RIMS2: variants seen among roughly 807,000 people sequenced by gnomAD.
RIMS2 encodes regulating synaptic membrane exocytosis 2.
RIMS2 carries 59 observed loss-of-function variants against 174.4 expected under a neutral mutation model. The observed-to-expected ratio is 0.34, with a 90% CI of 0.27 to 0.42. The LOEUF (loss-of-function observed/expected upper bound fraction) is 0.42. Ranked by LOEUF, RIMS2 falls within the 10% of genes least tolerant of loss-of-function variation. The pLI, the probability that RIMS2 is intolerant of heterozygous loss-of-function variation, is 1.00. For missense variants in RIMS2, 1,620 were observed against 1,666.3 expected (o/e 0.97, Z 0.48); for synonymous variants, 606 against 572.5 (o/e 1.06, Z -0.84).
rs1444750106 is a variant in RIMS2, at chr8:104,048,291, T to C, written c.3334+33676T>C. On this transcript the variant is annotated intron_variant, in intron 19 of 23. Transcript: ENST00000504942. Reference sequence around the variant, plus strand: ...GGCAAAGGATATATACAGACATTTCTCCAAACAAGAAATGCAGTGGTAAGT... The same window carrying C: ...GGCAAAGGATATATACAGACATTTCCCCAAACAAGAAATGCAGTGGTAAGT... Among the ~76,000 whole-genome samples the C allele has an allele frequency of 2.0e-5, 3 of 152,262 alleles. 1 individual carries two copies. The highest frequency in any genetic ancestry group is 4.4e-5 in the Non-Finnish European group (3 of 67,986).
chr8:103,934,584 A>G (rs1476834395), intron 12 of RIMS2, among the ~76,000 whole-genome samples: 1 of 152,186 alleles, frequency 6.6e-6, no homozygotes, highest in East Asian at 1.9e-4. Flanking sequence ...CTTCCTATCC[A>G]ATATAGAAAT....
intron 1 of RIMS2, among the ~76,000 whole-genome samples, chr8:103,620,908 G>T (rs2095618952): frequency 6.6e-6 from 1 of 152,046 alleles, no homozygotes; most frequent in South Asian, 2.1e-4. Flanking sequence ...GAGAAGAATA[G>T]GTGGATAGAA....
Position 104,249,468 on chromosome 8 carries a change from TC to T in RIMS2, c.3590-17del. On this transcript the variant is annotated intron_variant, in intron 21 of 23. Transcript: ENST00000504942. ...CATTTGTATATTAAAGCACATTTGT[TC>T]CTTCCTTCTTCCATTAGGTGACATT... is the stretch of plus-strand genomic sequence containing the variant. 7.2e-7 allele frequency: 1 copy of T among 1,382,002 alleles called. No homozygotes were observed. The highest frequency in any genetic ancestry group is 1.0e-6 in the Non-Finnish European group (1 of 969,854). 85.6% of individuals were successfully genotyped at this position (1,382,002 alleles called of 1,614,324 possible).
chr8:103,709,612 G>T (rs1239039669), intron 2 of RIMS2, among the ~76,000 whole-genome samples: 1 of 152,026 alleles, frequency 6.6e-6, no homozygotes, highest in Non-Finnish European at 1.5e-5. Flanking sequence ...CATGAATTAG[G>T]AGTTTTTCCA....
intron 1 of RIMS2, among the ~76,000 whole-genome samples, chr8:103,579,107 G>A (rs1416861486): frequency 2.0e-5 from 3 of 152,034 alleles, no homozygotes; most frequent in Non-Finnish European, 4.4e-5. Flanking sequence ...AATATGGGAA[G>A]AAATACTTAA....
intron 3 of RIMS2, among the ~76,000 whole-genome samples, chr8:103,782,796 C>G (rs2098404272): frequency 6.6e-6 from 1 of 151,964 alleles, no homozygotes; most frequent in Non-Finnish European, 1.5e-5. Flanking sequence ...TTTTAAAACT[C>G]TGTTTATATC....
rs548534485 is a variant in RIMS2, at chr8:103,815,042, T to G, written c.698+48505T>G. Among the ~76,000 whole-genome samples, 5 of 152,348 alleles carry G rather than the reference T, an allele frequency of 3.3e-5. No individual in the cohort carries two copies. In the East Asian group the frequency reaches 9.6e-4, roughly 29 times the overall value. On this transcript the variant is annotated intron_variant, in intron 3 of 23. Coordinates refer to ENST00000504942, the Ensembl canonical transcript of RIMS2. ...TTAGAGTTCTCCACTGTTTGAAAATTAAATTTTGAGCTTTACTTGTGGCTA... is the reference window on the plus strand; with the variant it reads ...TTAGAGTTCTCCACTGTTTGAAAATGAAATTTTGAGCTTTACTTGTGGCTA...
At chr8:104,203,258 G>A (rs1309181005) in intron 19 of RIMS2, among the ~76,000 whole-genome samples, 1 of 151,912 alleles carries the variant, frequency 6.6e-6, no homozygotes, top group Non-Finnish European at 1.5e-5. Context: ...CATGTATTAT[G>A]TGCAGAAAAG....
At chr8:103,864,067 C>T (rs954379126) in intron 3 of RIMS2, among the ~76,000 whole-genome samples, 2 of 151,944 alleles carry the variant, frequency 1.3e-5, no homozygotes, top group African/African-American at 4.8e-5. Flanking sequence ...TTCCACCATG[C>T]CTGGCTAATT....
intron 3 of RIMS2, among the ~76,000 whole-genome samples, chr8:103,785,468 T>C (rs1229190437): frequency 6.6e-6 from 1 of 152,128 alleles, no homozygotes; most frequent in Non-Finnish European, 1.5e-5. Context: ...TATTGAGAGT[T>C]TTTAGCATGA....
chr8:104,097,971 TA>T (rs1336041626), intron 19 of RIMS2, among the ~76,000 whole-genome samples: 3 of 152,180 alleles, frequency 2.0e-5, no homozygotes, highest in Non-Finnish European at 2.9e-5. Context: ...GCAATGCTAG[TA>T]CTTACAATTA....
At chr8:103,928,079 A>G (rs764503319) in intron 11 of RIMS2, among the ~76,000 whole-genome samples, 8 of 151,656 alleles carry the variant, frequency 5.3e-5, no homozygotes, top group Non-Finnish European at 7.4e-5. Flanking sequence ...AAAAATTTAA[A>G]GAGACAATCT....
chr8:104,052,292 AT>A (rs1168957460), intron 19 of RIMS2, among the ~76,000 whole-genome samples: 2 of 152,200 alleles, frequency 1.3e-5, no homozygotes, highest in African/African-American at 2.4e-5. Flanking sequence ...AATATAGAAA[AT>A]TAAAATGGAT....
intron 3 of RIMS2, among the ~76,000 whole-genome samples, chr8:103,797,723 A>G (rs531467291): frequency 1.3e-5 from 2 of 152,298 alleles, no homozygotes; most frequent in South Asian, 4.1e-4. Context: ...AGCATATTTG[A>G]AAAGAAATTG....
chr8:103,641,055 G>A (rs777585565), intron 1 of RIMS2, among the ~76,000 whole-genome samples: 1 of 152,036 alleles, frequency 6.6e-6, no homozygotes, highest in Non-Finnish European at 1.5e-5. Context: ...ATTAAGGATT[G>A]TTATGTTTTC....
At chr8:103,863,262 C>T (rs2099067953) in intron 3 of RIMS2, among the ~76,000 whole-genome samples, 1 of 152,042 alleles carries the variant, frequency 6.6e-6, no homozygotes, top group South Asian at 2.1e-4. Flanking sequence ...CATGGTGAAT[C>T]ACATTTATTG....
intron 1 of RIMS2, among the ~76,000 whole-genome samples, chr8:103,675,334 A>G (rs1286823587): frequency 1.3e-5 from 2 of 152,196 alleles, no homozygotes; most frequent in African/African-American, 2.4e-5. Context: ...CTGAATTTAC[A>G]TATTAGGTGT....
At chr8:103,913,895 G>T (rs1479524961) in intron 6 of RIMS2, among the ~76,000 whole-genome samples, 2 of 151,990 alleles carry the variant, frequency 1.3e-5, no homozygotes, top group African/African-American at 4.8e-5. Context: ...CCAGCATTGG[G>T]GATTACAATT....
At chr8:103,929,379 A>G (rs941050896) in intron 11 of RIMS2, among the ~76,000 whole-genome samples, 31 of 151,802 alleles carry the variant, frequency 2.0e-4, no homozygotes, top group African/African-American at 7.5e-4. Context: ...GGAGATGGCA[A>G]CAAGTACTTA....
Sources: gnomAD v4.1 joint callset for allele counts (sites outside exome capture counted in the v4.1 genomes callset) on GRCh38, gnomAD v4.1.1 for gene constraint, MANE v1.5 for transcripts, NCBI Gene and HGNC (gene_info 2026-07-23, HGNC 2026-07-21) for gene names.